Variants in MEF2C observed in about 807,000 individuals in gnomAD.
MEF2C encodes the protein myocyte-specific enhancer factor 2C.
Under a neutral mutation model 50.5 loss-of-function variants are expected in MEF2C, and 6 were observed. The observed-to-expected ratio is 0.12, with a 90% CI of 0.07 to 0.23. The LOEUF (loss-of-function observed/expected upper bound fraction) is 0.23, where lower values mean the gene tolerates loss of function less well. MEF2C is among the 10% of genes least tolerant of loss of function. MEF2C has a pLI of 1.00. For missense variants in MEF2C, 276 were observed against 605.0 expected (o/e 0.46, Z 5.70); for synonymous variants, 183 against 228.0 (o/e 0.80, Z 1.78).
intron 1 of MEF2C, among the ~76,000 whole-genome samples, chr5:88,898,807 C>T (rs1489342486): frequency 1.3e-5 from 2 of 152,086 alleles, no homozygotes; most frequent in African/African-American, 4.8e-5. Context: ...TACAAGTTTT[C>T]CTTAAAAATA....
At chr5:88,886,987 G>A (rs1256107028), upstream of MEF2C, among the ~76,000 whole-genome samples, 1 of 152,220 alleles carries the variant, frequency 6.6e-6, no homozygotes. Flanking sequence ...CACGCTGGGT[G>A]TAGCTCTTGA....
At chr5:88,891,009 G>T (rs1834477992) in intron 1 of MEF2C, among the ~76,000 whole-genome samples, 1 of 152,164 alleles carries the variant, frequency 6.6e-6, no homozygotes, top group African/African-American at 2.4e-5. Context: ...TTTTAGGCAA[G>T]AGTACCCTTT....
At chr5:88,732,772 CAGAA>C (rs1165880552) in intron 6 of MEF2C, among the ~76,000 whole-genome samples, 1 of 152,220 alleles carries the variant, frequency 6.6e-6, no homozygotes, top group African/African-American at 2.4e-5. Context: ...ACAGTGGACT[CAGAA>C]AGACATCTGC....
At chr5:88,888,503 G>T (rs1445980917) in intron 1 of MEF2C, among the ~76,000 whole-genome samples, 2 of 152,206 alleles carry the variant, frequency 1.3e-5, no homozygotes, top group Non-Finnish European at 2.9e-5. Context: ...TACTTTATGG[G>T]TGTTAGTTGA....
chr5:88,760,508 G>T (rs1487864701), intron 4 of MEF2C, among the ~76,000 whole-genome samples: 2 of 152,216 alleles, frequency 1.3e-5, no homozygotes, highest in Non-Finnish European at 2.9e-5. Context: ...CATGTATAGG[G>T]AGAGGGGCTG....
At chr5:88,824,091 G>C in intron 1 of MEF2C, 161 bp from the exon 2 acceptor site, 1 of 872,838 alleles carries the variant, frequency 1.1e-6, no homozygotes, top group Non-Finnish European at 1.4e-6. Context: ...ATCACAGACA[G>C]GAGCAGATCA....
chr5:88,891,104 C>T (rs1834495386), intron 1 of MEF2C, among the ~76,000 whole-genome samples: 1 of 152,164 alleles, frequency 6.6e-6, no homozygotes, highest in Non-Finnish European at 1.5e-5. Context: ...AATACTATCT[C>T]CCAAACTAAA....
intron 3 of MEF2C, among the ~76,000 whole-genome samples, chr5:88,796,092 G>A (rs1418410178): frequency 6.6e-6 from 1 of 152,120 alleles, no homozygotes; most frequent in Admixed American, 6.5e-5. Context: ...ATATTGGTCT[G>A]AAATTTTCTT....
intron 1 of MEF2C, among the ~76,000 whole-genome samples, chr5:88,871,630 A>G (rs1317712437): frequency 6.6e-6 from 1 of 152,080 alleles, no homozygotes; most frequent in Non-Finnish European, 1.5e-5. Flanking sequence ...CTGACATCCA[A>G]AATATGATTT....
chr5:88,898,390 C>T lies in MEF2C; in HGVS notation c.-240+5526G>A, dbSNP rs141942261. Reference sequence around the variant, plus strand: ...TTGGGTCCTGATACCTCTGCAAAACCTGTAAAATGGGCTTCAGATCCAGGG... The same window carrying T: ...TTGGGTCCTGATACCTCTGCAAAACTTGTAAAATGGGCTTCAGATCCAGGG... On this transcript the variant is annotated intron_variant, in intron 1 of 11. Transcript: ENST00000340208. Among the ~76,000 whole-genome samples, 510 of 152,182 alleles carry T rather than the reference C, an allele frequency of 3.4e-3. 3 individuals are homozygous for T. Among genetic ancestry groups the T allele is most frequent in the African/African-American group, 0.012 (479 of 41,526 alleles).
chr5:88,810,021 T>A lies in MEF2C; in HGVS notation c.55-5220A>T, dbSNP rs17486350. 7.7e-3 allele frequency among the ~76,000 whole-genome samples: 1,165 copies of A among 152,184 alleles called. 18 individuals are homozygous for A. The highest frequency in any genetic ancestry group is 8.4e-3 in the Non-Finnish European group (570 of 67,998). On this transcript the variant is annotated intron_variant, in intron 2 of 10. Transcript: ENST00000504921. Reference sequence around the variant, plus strand: ...GTTTTCCCTTCTGCCAGATTTGAATTCCCCAAAGACCATCCCTCAGGCCTC... The same window carrying A: ...GTTTTCCCTTCTGCCAGATTTGAATACCCCAAAGACCATCCCTCAGGCCTC...
intron 3 of MEF2C, among the ~76,000 whole-genome samples, chr5:88,798,426 G>A (rs898190131): frequency 1.3e-5 from 2 of 151,530 alleles, no homozygotes; most frequent in Non-Finnish European, 2.9e-5. Context: ...CCGCTTGATC[G>A]ATTTGGGTAT....
At chr5:88,789,597 A>T (rs146898734) in intron 3 of MEF2C, among the ~76,000 whole-genome samples, 1 of 152,328 alleles carries the variant, frequency 6.6e-6, no homozygotes, top group East Asian at 1.9e-4. Context: ...AAACATAAAG[A>T]TAAGAGATTT....
chr5:88,786,435 TG>T (rs1790931012), intron 3 of MEF2C, among the ~76,000 whole-genome samples: 1 of 151,968 alleles, frequency 6.6e-6, no homozygotes. Context: ...CTCAGCCAGA[TG>T]TATCATGTTT....
intron 2 of MEF2C, among the ~76,000 whole-genome samples, chr5:88,812,278 T>A (rs1803188351): frequency 6.6e-6 from 1 of 152,122 alleles, no homozygotes; most frequent in South Asian, 2.1e-4. Context: ...CTTGGCTAAA[T>A]AAATAAATGT....
intron 1 of MEF2C, chr5:88,844,608 A>C: frequency 1.2e-6 from 1 of 801,604 alleles, no homozygotes; most frequent in Non-Finnish European, 1.5e-6. Flanking sequence ...TAGTTTTAAC[A>C]CAGTACACCA....
chr5:88,841,181 G>A (rs557872977), intron 1 of MEF2C, among the ~76,000 whole-genome samples: 2 of 152,188 alleles, frequency 1.3e-5, no homozygotes, highest in South Asian at 4.1e-4. Flanking sequence ...CTATGGCCCC[G>A]TAATGCCATT....
intron 6 of MEF2C, chr5:88,734,222 T>C (rs906445765): frequency 7.1e-6 from 7 of 985,334 alleles, no homozygotes; most frequent in Non-Finnish European, 7.2e-6. Context: ...TGCTCTATAC[T>C]TTGCTGTCAG....
intron 1 of MEF2C, among the ~76,000 whole-genome samples, chr5:88,876,242 G>A (rs1035765302): frequency 2.6e-5 from 4 of 151,582 alleles, no homozygotes; most frequent in Non-Finnish European, 5.9e-5. Flanking sequence ...TAAAAATATA[G>A]GACCACTATA....
Sources: allele counts gnomAD v4.1 joint callset (sites outside exome capture counted in the v4.1 genomes callset), GRCh38; gene constraint gnomAD v4.1.1; transcripts MANE v1.5; gene names NCBI Gene and HGNC (gene_info 2026-07-23, HGNC 2026-07-21).